The following AIG1 variants were observed in gnomAD, a reference collection of about 807,000 sequenced individuals.
AIG1 encodes the protein androgen induced 1, also known as androgen-induced gene 1 protein.
A neutral mutation model predicts 31.4 loss-of-function variants in AIG1; 23 were observed. That is an observed-to-expected ratio of 0.73 (90% CI 0.53 to 1.04). The LOEUF (loss-of-function observed/expected upper bound fraction) is 1.04, where lower values mean the gene tolerates loss of function less well. Among genes scored for constraint, AIG1 ranks in the 50% least tolerant of loss-of-function variants. The pLI is 0.00. For missense variants in AIG1, 274 were observed against 295.0 expected, an observed-to-expected ratio of 0.93 and a Z score of 0.52; for synonymous variants, 100 against 110.5, an observed-to-expected ratio of 0.90 and a Z score of 0.60.
chr6:143,217,080 T>C (rs1442566478), intron 3 of AIG1, among the ~76,000 whole-genome samples: 4 of 152,234 alleles, frequency 2.6e-5, no homozygotes, highest in Non-Finnish European at 5.9e-5. Flanking sequence ...TTTTATACTT[T>C]TCATTAATTT....
intron 4 of AIG1, among the ~76,000 whole-genome samples, chr6:143,303,718 TG>T (rs1286831156): frequency 2.7e-5 from 4 of 149,698 alleles, no homozygotes; most frequent in African/African-American, 7.4e-5. Context: ...GGCTCTTTTT[TG>T]GTTCCATATG....
downstream of AIG1, chr6:143,342,519 C>A: frequency 1.2e-6 from 1 of 808,768 alleles, no homozygotes. Context: ...TTATCTTTCT[C>A]CCTATCCTAT....
rs916904964 is a variant in AIG1, at chr6:143,330,400, G to C, written c.516-2882G>C. On this transcript the variant is annotated intron_variant, in intron 4 of 5. Transcript: ENST00000357847. This position sits in a 1 kb window ranked among gnomAD's most constrained non-coding sequence, Gnocchi z 4.4. ...CCGAAGGACACAAGGGAGCCCAAGG[G>C]GATGCTGTGGGGGTGGTGAGGAGTA... Among the ~76,000 whole-genome samples, 9 of 152,158 alleles carry C rather than the reference G, an allele frequency of 5.9e-5. No homozygotes were observed. Among genetic ancestry groups the C allele is most frequent in the African/African-American group, 2.2e-4 (9 of 41,428 alleles).
At chr6:143,318,337 C>G (rs1775934395) in intron 4 of AIG1, among the ~76,000 whole-genome samples, 1 of 152,052 alleles carries the variant, frequency 6.6e-6, no homozygotes, top group African/African-American at 2.4e-5. Context: ...CAAATACTTA[C>G]AGCCACTGAT....
chr6:143,162,400 T>C (rs752772394), intron 2 of AIG1, among the ~76,000 whole-genome samples: 3 of 152,174 alleles, frequency 2.0e-5, no homozygotes, highest in Non-Finnish European at 2.9e-5. Context: ...AATTGGAGAT[T>C]CTAACATTTA....
intron 1 of AIG1, among the ~76,000 whole-genome samples, chr6:143,108,450 C>T (rs1172944961): frequency 6.6e-6 from 1 of 152,076 alleles, no homozygotes; most frequent in Non-Finnish European, 1.5e-5. Flanking sequence ...AATAGAATGC[C>T]TTAACTTTTC....
chr6:143,128,670 A>G (rs1237157670), intron 1 of AIG1, among the ~76,000 whole-genome samples: 3 of 151,214 alleles, frequency 2.0e-5, no homozygotes, highest in Non-Finnish European at 2.9e-5. Flanking sequence ...CATTTTTAAC[A>G]GTTAAGTTAA....
chr6:143,204,360 A>T (rs973434458), intron 3 of AIG1, among the ~76,000 whole-genome samples: 1 of 152,118 alleles, frequency 6.6e-6, no homozygotes, highest in Non-Finnish European at 1.5e-5. Flanking sequence ...GAGTGCCTAC[A>T]TGTGGCCTCC....
At chr6:143,287,039 C>A (rs914169949) in intron 4 of AIG1, among the ~76,000 whole-genome samples, 2 of 151,852 alleles carry the variant, frequency 1.3e-5, no homozygotes. Context: ...TGCCTCCCTG[C>A]CATGTTTCTC....
chr6:143,089,709 G>A (rs892793335), intron 1 of AIG1, among the ~76,000 whole-genome samples: 4 of 152,074 alleles, frequency 2.6e-5, no homozygotes, highest in South Asian at 2.1e-4. Context: ...AAGAGATCAC[G>A]TGGCAAGGGA....
At chr6:143,336,220 T>C (rs1248866579) in intron 5 of AIG1, among the ~76,000 whole-genome samples, 2 of 152,168 alleles carry the variant, frequency 1.3e-5, no homozygotes, top group Admixed American at 6.5e-5. Flanking sequence ...GCCACCCTCC[T>C]TTTTCCATAA....
intron 1 of AIG1, among the ~76,000 whole-genome samples, chr6:143,090,004 A>G (rs1458408128): frequency 6.6e-6 from 1 of 152,232 alleles, no homozygotes; most frequent in East Asian, 1.9e-4. Flanking sequence ...ATAAATGTCT[A>G]TTATTCTAAT....
intron 3 of AIG1, among the ~76,000 whole-genome samples, chr6:143,271,424 A>G (rs1796521495): frequency 1.3e-5 from 2 of 152,202 alleles, no homozygotes; most frequent in South Asian, 2.1e-4. Context: ...ATTTTAAATC[A>G]GGCTTTAAAG....
intron 3 of AIG1, among the ~76,000 whole-genome samples, chr6:143,198,769 A>G (rs937774648): frequency 6.6e-6 from 1 of 152,224 alleles, no homozygotes; most frequent in African/African-American, 2.4e-5. Flanking sequence ...AGTTGAGGGC[A>G]TGACCCAAAA....
At chr6:143,100,501 T>C (rs1051141670) in intron 1 of AIG1, among the ~76,000 whole-genome samples, 33 of 152,222 alleles carry the variant, frequency 2.2e-4, no homozygotes, top group African/African-American at 7.5e-4. Context: ...CATTCACTTA[T>C]TTTAAGAAAT....
chr6:143,250,440 C>T (rs924629885), intron 3 of AIG1, among the ~76,000 whole-genome samples: 4 of 151,912 alleles, frequency 2.6e-5, no homozygotes, highest in Non-Finnish European at 5.9e-5. Flanking sequence ...AAAATATATC[C>T]ACATGTAAAT....
At chr6:143,149,496 G>T (rs921266149) in intron 2 of AIG1, among the ~76,000 whole-genome samples, 1 of 132,160 alleles carries the variant, frequency 7.6e-6, no homozygotes, top group Non-Finnish European at 1.5e-5. Context: ...CACTGCACTC[G>T]CACTCTAGGC....
chr6:143,308,446 T>C (rs1482110064), intron 4 of AIG1, among the ~76,000 whole-genome samples: 1 of 152,248 alleles, frequency 6.6e-6, no homozygotes, highest in Non-Finnish European at 1.5e-5. Flanking sequence ...CCTCATTTTT[T>C]CCAGTGACTC....
intron 1 of AIG1, among the ~76,000 whole-genome samples, chr6:143,090,837 T>G (rs1037064849): frequency 2.0e-5 from 3 of 152,224 alleles, no homozygotes; most frequent in African/African-American, 7.2e-5. Context: ...AGGACACCTG[T>G]GAAGTTTGCT....
Sources: gnomAD v4.1 joint callset for allele counts (sites outside exome capture counted in the v4.1 genomes callset) on GRCh38, gnomAD v4.1.1 for gene constraint, Gnocchi (gnomAD v3.1) non-coding constraint, MANE v1.5 for transcripts, NCBI Gene and HGNC (gene_info 2026-07-23, HGNC 2026-07-21) for gene names.